Variants in TNIK observed in about 807,000 individuals in gnomAD.
TNIK encodes TRAF2 and NCK-interacting protein kinase.
In TNIK, 49 loss-of-function variants were observed where a neutral mutation model predicts 191.3. The observed-to-expected ratio is 0.26, with a 90% CI of 0.20 to 0.32. TNIK has a LOEUF of 0.32. Ranked by LOEUF, TNIK falls within the 10% of genes least tolerant of loss-of-function variation. TNIK has a pLI of 1.00. For missense variants in TNIK, 1,155 were observed against 1,702.3 expected, an observed-to-expected ratio of 0.68 and a Z score of 5.66; for synonymous variants, 594 against 600.9, an observed-to-expected ratio of 0.99 and a Z score of 0.17.
intron 19 of TNIK, among the ~76,000 whole-genome samples, chr3:171,110,030 G>A (rs1159088809): frequency 1.3e-5 from 2 of 151,832 alleles, no homozygotes; most frequent in Non-Finnish European, 2.9e-5. Flanking sequence ...TCAGCCTCCC[G>A]AGTAGCTGGG....
chr3:171,395,773 C>T (rs1026883488), intron 1 of TNIK, among the ~76,000 whole-genome samples: 4 of 152,066 alleles, frequency 2.6e-5, no homozygotes, highest in Admixed American at 2.0e-4. Flanking sequence ...AGTGAACATC[C>T]GTGTACCCAC....
At chr3:171,212,233 T>C (rs528040075) in intron 3 of TNIK, among the ~76,000 whole-genome samples, 3 of 152,226 alleles carry the variant, frequency 2.0e-5, no homozygotes, top group African/African-American at 7.2e-5. Flanking sequence ...TTACTGGGAC[T>C]TCCTGCAGTC....
intron 1 of TNIK, among the ~76,000 whole-genome samples, chr3:171,434,423 T>C (rs1016180054): frequency 1.3e-5 from 2 of 150,044 alleles, no homozygotes; most frequent in African/African-American, 5.0e-5. Context: ...GTTGTCCCTG[T>C]CATCTTGTAA....
Position 171,099,522 on chromosome 3 carries a change from G to A in TNIK, c.2591+1927C>T, listed in dbSNP as rs116497701. 3.1e-3 allele frequency among the ~76,000 whole-genome samples: 468 copies of A among 152,158 alleles called. 1 individual carries two copies. Among genetic ancestry groups the A allele is most frequent in the African/African-American group, 0.011 (436 of 41,508 alleles). ...CACTGTATTCCAGACACCATGGAACGTGTTAAGAGCAAGAGAGATGAGTAA... is the reference window on the plus strand; with the variant it reads ...CACTGTATTCCAGACACCATGGAACATGTTAAGAGCAAGAGAGATGAGTAA... On this transcript the variant is annotated intron_variant, in intron 22 of 32. Coordinates refer to ENST00000436636, the MANE Select transcript of TNIK (RefSeq NM_015028.4).
chr3:171,260,625 A>G (rs950163161), intron 2 of TNIK, among the ~76,000 whole-genome samples: 2 of 152,176 alleles, frequency 1.3e-5, no homozygotes, highest in East Asian at 1.9e-4. Flanking sequence ...TCTTGAGAAA[A>G]CAAGGGGTTT....
intron 3 of TNIK, among the ~76,000 whole-genome samples, chr3:171,226,262 G>A (rs1043196565): frequency 3.9e-5 from 6 of 152,138 alleles, no homozygotes; most frequent in Non-Finnish European, 5.9e-5. Context: ...ATGTTGTATG[G>A]AAGTAGAAAA....
In TNIK at chr3:171,058,491, GA is replaced by G. The variant is rs1455364373; in HGVS notation, c.*5389del. ...CAGGACATGGTAGTTACCATGTGGG[GA>G]AACCTATCAAAGCATTTTTAATGAC... On this transcript the variant is annotated 3_prime_UTR_variant, in exon 33 of 33. Coordinates refer to ENST00000436636, the MANE Select transcript of TNIK (RefSeq NM_015028.4). Among the ~76,000 whole-genome samples, 1 of 152,128 alleles carries G rather than the reference GA, an allele frequency of 6.6e-6. No individual in the cohort carries two copies. The highest frequency in any genetic ancestry group is 2.4e-5 in the African/African-American group (1 of 41,434).
At chr3:171,128,677 T>G in intron 16 of TNIK, 37 bp downstream of exon 16, 1 of 1,579,100 alleles carries the variant, frequency 6.3e-7, no homozygotes, top group Non-Finnish European at 8.6e-7. Flanking sequence ...CTTGTGCAAC[T>G]TATTGGAATG....
intron 1 of TNIK, among the ~76,000 whole-genome samples, chr3:171,378,131 G>T (rs1717515933): frequency 6.6e-6 from 1 of 152,208 alleles, no homozygotes. Flanking sequence ...AGAGCCAGAA[G>T]CCCCAGAGAG....
chr3:171,142,562 G>C (rs950166728), intron 12 of TNIK, among the ~76,000 whole-genome samples: 1 of 152,222 alleles, frequency 6.6e-6, no homozygotes, highest in Admixed American at 6.5e-5. Flanking sequence ...CGGCCAAGGG[G>C]CACAGTGGAC....
chr3:171,331,299 G>A (rs1756401708), intron 2 of TNIK, among the ~76,000 whole-genome samples: 1 of 152,172 alleles, frequency 6.6e-6, no homozygotes, highest in Admixed American at 6.5e-5. Context: ...TTCCCAATTA[G>A]GAATATGGCA....
chr3:171,280,930 C>T lies in TNIK; in HGVS notation c.124-52709G>A, dbSNP rs143313290. Among the ~76,000 whole-genome samples the T allele has an allele frequency of 1.8e-4, 27 of 152,226 alleles. No homozygotes were observed. The East Asian group carries it at 4.8e-3, about 27-fold the overall frequency. On this transcript the variant is annotated intron_variant, in intron 2 of 32. Coordinates refer to ENST00000436636, the MANE Select transcript of TNIK (RefSeq NM_015028.4). Reference sequence around the variant, plus strand: ...CTGACCATGGCTCTACAGGAATAACCTAGACAAAATCTAGAACACTCAGTA... The same window carrying T: ...CTGACCATGGCTCTACAGGAATAACTTAGACAAAATCTAGAACACTCAGTA...
At chr3:171,234,891 C>T (rs1453676970) in intron 2 of TNIK, among the ~76,000 whole-genome samples, 2 of 152,268 alleles carry the variant, frequency 1.3e-5, no homozygotes, top group African/African-American at 4.8e-5. Flanking sequence ...CAGGGCCTTG[C>T]GCCAAGAACA....
At chr3:171,317,741 C>A (rs922187892) in intron 2 of TNIK, among the ~76,000 whole-genome samples, 3 of 152,118 alleles carry the variant, frequency 2.0e-5, no homozygotes, top group African/African-American at 7.2e-5. Context: ...GGTTATAAGA[C>A]AATAGAGGGG....
chr3:171,092,107 G>A (rs1362169703), intron 23 of TNIK, among the ~76,000 whole-genome samples: 3 of 151,824 alleles, frequency 2.0e-5, no homozygotes, highest in East Asian at 1.9e-4. Flanking sequence ...CCGCCACGAC[G>A]CCTGGCTAAT....
chr3:171,319,065 T>C (rs1373619948), intron 2 of TNIK, among the ~76,000 whole-genome samples: 1 of 152,048 alleles, frequency 6.6e-6, no homozygotes, highest in African/African-American at 2.4e-5. Context: ...TATAGTCCTA[T>C]TTACTTGGGA....
intron 3 of TNIK, among the ~76,000 whole-genome samples, chr3:171,212,157 C>G (rs1278053679): frequency 6.6e-6 from 1 of 152,048 alleles, no homozygotes; most frequent in Non-Finnish European, 1.5e-5. Context: ...GAAAAACTAC[C>G]CATGGTGTCC....
At chr3:171,419,522 A>G (rs757274871) in intron 1 of TNIK, among the ~76,000 whole-genome samples, 5 of 152,214 alleles carry the variant, frequency 3.3e-5, no homozygotes, top group Non-Finnish European at 7.4e-5. Context: ...CTGTTTAAAA[A>G]ATAATAAACA....
At chr3:171,064,016 T>A (rs1037912118) in intron 32 of TNIK, 52 bp from the exon 33 acceptor site, 11 of 1,556,332 alleles carry the variant, frequency 7.1e-6, no homozygotes, top group Middle Eastern at 1.7e-4. Flanking sequence ...TTTCCCCTCT[T>A]TTCTTCAACC....
Sources: allele counts gnomAD v4.1 joint callset (sites outside exome capture counted in the v4.1 genomes callset), GRCh38; gene constraint gnomAD v4.1.1; transcripts MANE v1.5; gene names NCBI Gene and HGNC (gene_info 2026-07-23, HGNC 2026-07-21).